ARAP2: variants seen among roughly 807,000 people sequenced by gnomAD.
ARAP2 encodes the protein arf-GAP with Rho-GAP domain, ANK repeat and PH domain-containing protein 2.
In ARAP2, 148 loss-of-function variants were observed where a neutral mutation model predicts 194.5. The ratio of observed to expected loss-of-function variants is 0.76; its 90% CI spans 0.67 to 0.87. The LOEUF (loss-of-function observed/expected upper bound fraction) is 0.87. Ranked by LOEUF, ARAP2 falls within the 40% of genes least tolerant of loss-of-function variation. The pLI, the probability that ARAP2 is intolerant of heterozygous loss-of-function variation, is 0.00. For synonymous variants in ARAP2, 695 were observed against 683.5 expected (o/e 1.02, Z -0.26); for missense variants, 2,128 against 1,989.7 (o/e 1.07, Z -1.32).
At chr4:36,119,473 T>C (rs58791180) in intron 24 of ARAP2, among the ~76,000 whole-genome samples, 177 bp downstream of exon 24, 4,385 of 151,528 alleles carry the variant, frequency 0.029, 220 homozygotes, top group African/African-American at 0.1. Flanking sequence ...TACATTAACA[T>C]ATTTTGCATA....
chr4:36,192,168 GTTTTTTTTTTTTTT>G (rs569144058), intron 7 of ARAP2, among the ~76,000 whole-genome samples: 1 of 100,724 alleles, frequency 9.9e-6, no homozygotes, highest in Non-Finnish European at 1.9e-5. Context: ...CAGTGTTTCT[GTTTTTTTTTTTTTT>G]TTTTTTTTTT....
chr4:36,172,819 C>A (rs969215219), intron 9 of ARAP2, among the ~76,000 whole-genome samples: 4 of 152,180 alleles, frequency 2.6e-5, no homozygotes, highest in Admixed American at 2.0e-4. Flanking sequence ...GACATTGGCA[C>A]CAGCTTTCCT....
intron 31 of ARAP2, 35 bp downstream of exon 31, chr4:36,080,181 T>C: frequency 6.4e-7 from 1 of 1,557,326 alleles, no homozygotes; most frequent in South Asian, 1.1e-5. Context: ...ACAAAGTTAT[T>C]ATACTCTACT....
At chr4:36,224,733 T>A (rs1168765289) in intron 2 of ARAP2, among the ~76,000 whole-genome samples, 1 of 152,164 alleles carries the variant, frequency 6.6e-6, no homozygotes, top group Non-Finnish European at 1.5e-5. Context: ...TGTATTCAAT[T>A]CAAAATTTAG....
At chr4:36,113,534 T>A (rs1181361553) in intron 26 of ARAP2, among the ~76,000 whole-genome samples, 1 of 151,966 alleles carries the variant, frequency 6.6e-6, no homozygotes, top group Non-Finnish European at 1.5e-5. Context: ...TACTCCAAAG[T>A]GTCCCAAGAC....
At chr4:36,134,735 T>C (rs1271736116) in intron 19 of ARAP2, among the ~76,000 whole-genome samples, 1 of 148,064 alleles carries the variant, frequency 6.8e-6, no homozygotes, top group Admixed American at 6.8e-5. Context: ...CACACACAAA[T>C]ACACACACAC....
At chr4:36,038,000 C>T (rs1433478256) in intron 5 of ARAP2, among the ~76,000 whole-genome samples, 1 of 152,128 alleles carries the variant, frequency 6.6e-6, no homozygotes, top group African/African-American at 2.4e-5. Flanking sequence ...AAGCTAGATC[C>T]TTTTTGTGCT....
intron 6 of ARAP2, among the ~76,000 whole-genome samples, chr4:36,018,628 G>C (rs1716325040): frequency 6.6e-6 from 1 of 152,164 alleles, no homozygotes; most frequent in Non-Finnish European, 1.5e-5. Flanking sequence ...ATGCAAATAT[G>C]AGTAAGACTG....
chr4:36,048,341 T>C (rs966112606), intron 3 of ARAP2, among the ~76,000 whole-genome samples: 7 of 152,034 alleles, frequency 4.6e-5, no homozygotes, highest in African/African-American at 1.7e-4. Flanking sequence ...ACCAAATAGG[T>C]AGTTTTTCAA....
In ARAP2 at chr4:36,080,393, C is replaced by T. The variant is rs949750632; in HGVS notation, c.4545-114G>A. ...TCTCTGGGTCTCTCCTGATTAATGA[C>T]GTAATGCAATCACAAAAGTGGAACA... On this transcript the variant is annotated intron_variant, in intron 30 of 32. Coordinates refer to ENST00000303965, the MANE Select transcript of ARAP2 (RefSeq NM_015230.4). 8.0e-5 allele frequency: 61 copies of T among 760,530 alleles called. No individual in the cohort carries two copies. In the Middle Eastern group the frequency reaches 1.2e-3, roughly 15 times the overall value. The allele number at this position is 760,530 out of a possible 1,614,324, so 47.1% of individuals were successfully genotyped here.
intron 28 of ARAP2, among the ~76,000 whole-genome samples, chr4:36,089,212 T>C (rs1577828213): frequency 6.6e-6 from 1 of 152,164 alleles, no homozygotes; most frequent in Non-Finnish European, 1.5e-5. Flanking sequence ...AGACTTCTTA[T>C]GCACAGACTT....
At chr4:36,031,689 G>A (rs1718985444) in intron 5 of ARAP2, among the ~76,000 whole-genome samples, 2 of 146,462 alleles carry the variant, frequency 1.4e-5, no homozygotes, top group South Asian at 4.3e-4. Flanking sequence ...TCTTTTTTGA[G>A]ATGGAGTCTC....
intron 9 of ARAP2, 91 bp downstream of exon 9, chr4:36,177,736 T>C: frequency 2.3e-6 from 3 of 1,315,772 alleles, no homozygotes; most frequent in Non-Finnish European, 2.0e-6. Flanking sequence ...CAAGACTCTA[T>C]AAGTAAAATC....
intron 1 of ARAP2, among the ~76,000 whole-genome samples, chr4:36,240,858 T>C (rs1033266412): frequency 1.2e-4 from 19 of 152,144 alleles, no homozygotes; most frequent in African/African-American, 4.3e-4. Flanking sequence ...ACAATTTCCA[T>C]CCAGTGAAGG....
intron 24 of ARAP2, among the ~76,000 whole-genome samples, chr4:36,119,022 T>G (rs1393315732): frequency 1.3e-5 from 2 of 151,376 alleles, no homozygotes; most frequent in African/African-American, 4.8e-5. Flanking sequence ...CTGAATCCAC[T>G]CTAACTCCTA....
At chr4:36,111,902 G>A (rs1196320440) in intron 26 of ARAP2, among the ~76,000 whole-genome samples, 1 of 151,944 alleles carries the variant, frequency 6.6e-6, no homozygotes, top group East Asian at 1.9e-4. Flanking sequence ...ACTTTGAGAG[G>A]GCAACGGAGG....
At chr4:36,241,473 G>T (rs1054772794) in intron 1 of ARAP2, among the ~76,000 whole-genome samples, 3 of 152,170 alleles carry the variant, frequency 2.0e-5, no homozygotes, top group African/African-American at 7.2e-5. Flanking sequence ...GATATTTGGT[G>T]TTCAAGATAA....
chr4:36,222,904 T>C (rs1407706643), intron 2 of ARAP2, among the ~76,000 whole-genome samples: 9 of 152,128 alleles, frequency 5.9e-5, no homozygotes, highest in Admixed American at 2.0e-4. Flanking sequence ...AATTACTAGC[T>C]TAACTTCAAA....
chr4:36,189,232 A>G (rs1741310137), intron 7 of ARAP2, among the ~76,000 whole-genome samples: 1 of 152,108 alleles, frequency 6.6e-6, no homozygotes. Context: ...CCCTATAAAA[A>G]TCCTTTTCCA....
Sources: gnomAD v4.1 joint callset for allele counts (sites outside exome capture counted in the v4.1 genomes callset) on GRCh38, gnomAD v4.1.1 for gene constraint, MANE v1.5 for transcripts, NCBI Gene and HGNC (gene_info 2026-07-23, HGNC 2026-07-21) for gene names.